The following KRTAP4-6 variants were observed in gnomAD, a reference collection of about 807,000 sequenced individuals.
KRTAP4-6 encodes keratin associated protein 4-6.
KRTAP4-6 carries 1 observed loss-of-function variant against 3.6 expected under a neutral mutation model. That is an observed-to-expected ratio of 0.28 (90% CI 0.10 to 1.32). The LOEUF is 1.32. KRTAP4-6 is among the 40% of genes most tolerant of loss of function. KRTAP4-6 has a pLI of 0.45. For synonymous variants in KRTAP4-6, 97 were observed against 96.7 expected, an observed-to-expected ratio of 1.00 and a Z score of -0.02; for missense variants, 275 against 280.3, an observed-to-expected ratio of 0.98 and a Z score of 0.14.
chr17:41,139,773 G>A, exon 1 of KRTAP4-6: 1 of 1,470,870 alleles, frequency 6.8e-7, no homozygotes, highest in South Asian at 1.4e-5. Flanking sequence ...AAACACAGTT[G>A]GTGGGAATGG....
exon 1 of KRTAP4-6, chr17:41,139,678 A>T: frequency 1.2e-6 from 1 of 869,474 alleles, no homozygotes; most frequent in Non-Finnish European, 1.7e-6. Context: ...AATAATATCT[A>T]ATTTCACACT....
exon 1 of KRTAP4-6, chr17:41,140,379 G>T (rs775644992): frequency 1.2e-6 from 2 of 1,613,926 alleles, no homozygotes; most frequent in African/African-American, 1.3e-5. Flanking sequence ...CAGCTGGGGC[G>T]GCAGCAGGTG....
chr17:41,139,885 G>A (rs746644940), exon 1 of KRTAP4-6: 2 of 1,588,230 alleles, frequency 1.3e-6, no homozygotes, highest in Non-Finnish European at 1.7e-6. Context: ...AGCAAGAGGA[G>A]GCACAGCACA....
At chr17:41,139,692 G>A (rs2014662838) in exon 1 of KRTAP4-6, 2 of 973,186 alleles carry the variant, frequency 2.1e-6, no homozygotes, top group African/African-American at 1.7e-5. Context: ...TCACACTTGG[G>A]TCAACATGGG....
chr17:41,139,697 C>T, exon 1 of KRTAP4-6: 1 of 1,016,010 alleles, frequency 9.8e-7, no homozygotes, highest in Non-Finnish European at 1.4e-6. Flanking sequence ...CTTGGGTCAA[C>T]ATGGGGAACA....
At chr17:41,139,801 A>G in exon 1 of KRTAP4-6, 1 of 1,519,072 alleles carries the variant, frequency 6.6e-7, no homozygotes, top group South Asian at 1.3e-5. Context: ...TGAGTTGTTT[A>G]TGAGATGCAC....
chr17:41,140,417 C>T (rs1322379644), exon 1 of KRTAP4-6: 1 of 1,613,904 alleles, frequency 6.2e-7, no homozygotes, highest in Non-Finnish European at 8.5e-7. Flanking sequence ...CTGACAGCAG[C>T]TGGGGCGGCA....
At chr17:41,140,411 C>G (rs1223146132) in exon 1 of KRTAP4-6, 1 of 1,613,912 alleles carries the variant, frequency 6.2e-7, no homozygotes, top group Non-Finnish European at 8.5e-7. Flanking sequence ...GGTGGTCTGA[C>G]AGCAGCTGGG....
chr17:41,139,673 T>C, exon 1 of KRTAP4-6: 2 of 833,862 alleles, frequency 2.4e-6, no homozygotes, highest in Non-Finnish European at 1.8e-6. Context: ...CTGTAAATAA[T>C]ATCTAATTTC....
At chr17:41,139,927 T>A in exon 1 of KRTAP4-6, 1 of 1,604,656 alleles carries the variant, frequency 6.2e-7, no homozygotes, top group Non-Finnish European at 8.5e-7. Flanking sequence ...TGACACAGGT[T>A]GGGCGATAGC....
chr17:41,140,471 C>A, exon 1 of KRTAP4-6: 2 of 1,612,634 alleles, frequency 1.2e-6, no homozygotes, highest in Non-Finnish European at 1.7e-6. Context: ...GACGGAACCA[C>A]AACAGGAGCT....
chr17:41,139,740 C>T, exon 1 of KRTAP4-6: 11 of 1,282,206 alleles, frequency 8.6e-6, no homozygotes, highest in African/African-American at 3.0e-5. Context: ...GACATATATC[C>T]TAGATATATG....
chr17:41,140,496 A>T (rs764797096), upstream of KRTAP4-6: 7 of 1,606,020 alleles, frequency 4.4e-6, no homozygotes, highest in Non-Finnish European at 5.1e-6. Flanking sequence ...ATGGTGTCAG[A>T]GGGTAAAGGT....
At chr17:41,139,712 T>G in exon 1 of KRTAP4-6, 1 of 1,086,364 alleles carries the variant, frequency 9.2e-7, no homozygotes. Context: ...GGAACATATA[T>G]TCTAGATGTA....
exon 1 of KRTAP4-6, chr17:41,139,785 C>T (rs2014664286): frequency 5.3e-6 from 8 of 1,499,374 alleles, no homozygotes; most frequent in Non-Finnish European, 7.2e-6. Flanking sequence ...TGGGAATGGC[C>T]TCTTCTGAGT....
chr17:41,140,286 T>C, exon 1 of KRTAP4-6: 1 of 1,543,390 alleles, frequency 6.5e-7, no homozygotes, highest in East Asian at 2.3e-5. Context: ...TGACAGCAGC[T>C]GGGACAGCAG....
exon 1 of KRTAP4-6, chr17:41,139,713 T>C (rs2014663248): frequency 9.1e-7 from 1 of 1,100,300 alleles, no homozygotes; most frequent in African/African-American, 1.6e-5. Context: ...GAACATATAT[T>C]CTAGATGTAT....
At chr17:41,140,531 A>G (rs778997032), upstream of KRTAP4-6, 4 of 1,566,784 alleles carry the variant, frequency 2.6e-6, no homozygotes, top group Non-Finnish European at 3.5e-6. Flanking sequence ...CAAGAGAGTG[A>G]GTTTCGTGAG....
chr17:41,139,811 C>T lies in KRTAP4-6; in HGVS notation c.*59G>A, dbSNP rs150349855. 5.4e-4 allele frequency: 831 copies of T among 1,526,742 alleles called. 7 individuals are homozygous for T. The African/African-American group carries it at 0.01, about 19-fold the overall frequency. The allele number at this position is 1,526,742 out of a possible 1,614,324, so 94.6% of individuals were successfully genotyped here. A position where few individuals can be genotyped will look rare whatever the true frequency, so the allele number is the denominator to read the frequency against. ...TCTTCTGAGTTGTTTATGAGATGCACAAGGTCTGCTTCTGTGAGGAGTGAG... is the reference window on the plus strand; with the variant it reads ...TCTTCTGAGTTGTTTATGAGATGCATAAGGTCTGCTTCTGTGAGGAGTGAG... On this transcript the variant is annotated 3_prime_UTR_variant, in exon 1 of 1. Transcript: ENST00000345847.
Sources: gnomAD v4.1 joint callset for allele counts on GRCh38, gnomAD v4.1.1 for gene constraint, MANE v1.5 for transcripts, NCBI Gene and HGNC (gene_info 2026-07-23, HGNC 2026-07-21) for gene names.